DKC1: variants seen among roughly 807,000 people sequenced by gnomAD.
The protein encoded by DKC1 is H/ACA ribonucleoprotein complex subunit DKC1.
A neutral mutation model predicts 46.7 loss-of-function variants in DKC1; 4 were observed. The ratio of observed to expected loss-of-function variants is 0.09; its 90% CI spans 0.04 to 0.20. The LOEUF is 0.20. DKC1 is among the 10% of genes least tolerant of loss of function. The pLI is 1.00. For missense variants in DKC1, 171 were observed against 404.2 expected (o/e 0.42, Z 4.95); for synonymous variants, 141 against 142.4 (o/e 0.99, Z 0.07).
chrX:154,773,935 AC>A (rs1297904648), intron 11 of DKC1, among the ~76,000 whole-genome samples: 208 of 97,338 alleles, frequency 2.1e-3, no homozygotes, highest in Non-Finnish European at 2.5e-3. Context: ...GGGGGGGCTG[AC>A]CCCCCCCCAC....
intron 1 of DKC1, 44 bp downstream of exon 1, chrX:154,763,025 C>T: frequency 8.9e-7 from 1 of 1,121,169 alleles, no homozygotes; most frequent in Non-Finnish European, 1.2e-6. Flanking sequence ...CCGGGCGACT[C>T]GGGGAACGGG....
At chrX:154,773,094 C>T (rs1557265103) in intron 10 of DKC1, 37 bp from the exon 11 acceptor site, 1 of 961,992 alleles carries the variant, frequency 1.0e-6, no homozygotes, top group Admixed American at 2.2e-5. Context: ...ATTCTTTCAC[C>T]CTTCAAATAA....
chrX:154,772,795 A>C (rs782531130), intron 10 of DKC1, among the ~76,000 whole-genome samples: 1 of 112,283 alleles, frequency 8.9e-6, no homozygotes, highest in Non-Finnish European at 1.9e-5. Flanking sequence ...ACAGCAGCAG[A>C]AAAGGAATCC....
chrX:154,773,920 C>CG (rs1401002540), intron 11 of DKC1, among the ~76,000 whole-genome samples: 1 of 110,674 alleles, frequency 9.0e-6, no homozygotes, highest in Non-Finnish European at 1.9e-5. Context: ...GGCGGCTGGC[C>CG]GGGCGGGGGG....
chrX:154,772,776 G>A (rs1249120990), intron 10 of DKC1, among the ~76,000 whole-genome samples: 2 of 112,110 alleles, frequency 1.8e-5, no homozygotes, highest in East Asian at 2.8e-4. Flanking sequence ...AGGCAGCCAC[G>A]GCTTATGGAC....
chrX:154,777,677 A>G lies in DKC1; in HGVS notation c.*810A>G, dbSNP rs1557265903. On this transcript the variant is annotated 3_prime_UTR_variant, in exon 15 of 15. Coordinates refer to ENST00000369550, the MANE Select transcript of DKC1 (RefSeq NM_001363.5). ...AAAAATCTAGGGACCTTTATGTCCT[A>G]TTTGAAATGTGATGCTTTTATGTTT... 1 of 111,900 alleles carries G rather than the reference A, an allele frequency of 8.9e-6. No homozygotes were observed. The highest frequency in any genetic ancestry group is 3.7e-4 in the South Asian group (1 of 2,710). 9.2% of individuals were successfully genotyped at this position (111,900 alleles called of 1,213,427 possible). A position where few individuals can be genotyped will look rare whatever the true frequency, so the allele number is the denominator to read the frequency against.
chrX:154,770,491 A>G (rs1603429542), intron 9 of DKC1, among the ~76,000 whole-genome samples: 1 of 97,560 alleles, frequency 1.0e-5, no homozygotes, highest in East Asian at 3.4e-4. Context: ...AAAAAAAAAG[A>G]AAATACTTGT....
chrX:154,770,742 T>TG lies in DKC1; in HGVS notation c.916-15dup, dbSNP rs1218146343. 18 of 1,208,908 alleles carry TG rather than the reference T, an allele frequency of 1.5e-5. No individual in the cohort carries two copies. Among genetic ancestry groups the TG allele is most frequent in the Admixed American group, 2.2e-5 (1 of 45,680 alleles). On this transcript the variant is annotated splice_polypyrimidine_tract_variant and intron_variant, in intron 9 of 14. Transcript: ENST00000369550. ...GGGCAGCAGCTGGGCCCCTTACACT[T>TG]GGTGCCATCTCTGCAGGTAAATGCC...
Position 154,772,407 on chromosome X carries a change from A to AT in DKC1, c.1037-721dup, listed in dbSNP as rs782169077. Among the ~76,000 whole-genome samples the AT allele has an allele frequency of 9.1e-4, 102 of 111,724 alleles. 2 individuals are homozygous for AT. The South Asian group carries it at 0.017, about 19-fold the overall frequency. The stretch of plus-strand genomic sequence containing the variant: ...AAATGAGTTAAATGTAGGTGTGTGC[A>AT]TTTGTTTCTGGGTTCCTTATTCTGT... On this transcript the variant is annotated intron_variant, in intron 10 of 14. Coordinates refer to ENST00000369550, the MANE Select transcript of DKC1 (RefSeq NM_001363.5).
chrX:154,773,880 G>C (rs991948481), intron 11 of DKC1, among the ~76,000 whole-genome samples: 1 of 111,137 alleles, frequency 9.0e-6, no homozygotes, highest in African/African-American at 3.3e-5. Context: ...AGGGGCGGCC[G>C]GGCAGAGGCG....
chrX:154,770,990 A>G, intron 10 of DKC1, 111 bp downstream of exon 10: 1 of 776,304 alleles, frequency 1.3e-6, no homozygotes, highest in African/African-American at 2.0e-5. Flanking sequence ...ATACATAATA[A>G]TCACATCATG....
chrX:154,776,434 G>C lies in DKC1; in HGVS notation c.1476+110G>C. The stretch of plus-strand genomic sequence containing the variant: ...CTCTTCTTGGAGGAGCTGTGGCCTG[G>C]GGGTGGGATGCCACCGAGTGCCTTT... On this transcript the variant is annotated intron_variant, in intron 14 of 14. Transcript: ENST00000369550. 4 of 1,042,847 alleles carry C rather than the reference G, an allele frequency of 3.8e-6. No individual in the cohort carries two copies. The East Asian group carries it at 1.0e-4, about 26-fold the overall frequency. The allele number at this position is 1,042,847 out of a possible 1,213,427, so 85.9% of individuals were successfully genotyped here. A position where few individuals can be genotyped will look rare whatever the true frequency, so the allele number is the denominator to read the frequency against.
chrX:154,768,712 G>A (rs915617162), intron 8 of DKC1: 55 of 404,368 alleles, frequency 1.4e-4, no homozygotes, highest in Admixed American at 7.0e-4. Flanking sequence ...GGAAGAGGGC[G>A]CGGTGGCTCA....
chrX:154,777,134 G>A lies in DKC1; in HGVS notation c.*267G>A, dbSNP rs781955280. 75 of 292,765 alleles carry A rather than the reference G, an allele frequency of 2.6e-4. No individual in the cohort carries two copies. The highest frequency in any genetic ancestry group is 1.9e-3 in the Middle Eastern group (2 of 1,030). The allele number at this position is 292,765 out of a possible 1,213,427, so 24.1% of individuals were successfully genotyped here. ...TTTGAGTTGGGAAGCCTCACCTTCA[G>A]ACCCAGTAACTGTCCGCAGCTGTCT... is the stretch of plus-strand genomic sequence containing the variant. On this transcript the variant is annotated 3_prime_UTR_variant, in exon 15 of 15. Transcript: ENST00000369550.
At chrX:154,767,890 G>A (rs782696875) in intron 7 of DKC1, 3 of 124,736 alleles carry the variant, frequency 2.4e-5, no homozygotes, top group East Asian at 2.2e-4. Flanking sequence ...TCGCTCTGTC[G>A]CCCAGGCTGG....
At chrX:154,768,468 T>C in intron 8 of DKC1, 36 bp downstream of exon 8, 2 of 1,209,476 alleles carry the variant, frequency 1.7e-6, no homozygotes, top group East Asian at 5.9e-5. Context: ...TAGAGCTGGT[T>C]CTTACCATCT....
intron 7 of DKC1, 145 bp from the exon 8 acceptor site, chrX:154,768,157 C>A: frequency 1.2e-6 from 1 of 814,274 alleles, no homozygotes; most frequent in Non-Finnish European, 1.8e-6. Context: ...GCCAGAATTA[C>A]AGATCTTTAC....
intron 12 of DKC1, 125 bp downstream of exon 12, chrX:154,774,830 G>C (rs782741921): frequency 1.8e-5 from 11 of 619,861 alleles, no homozygotes; most frequent in Non-Finnish European, 3.0e-5. Flanking sequence ...GGACGCAGGA[G>C]TACATGGACA....
chrX:154,765,040 GTGTT>G, intron 2 of DKC1, 74 bp downstream of exon 2: 1 of 944,634 alleles, frequency 1.1e-6, no homozygotes, highest in Non-Finnish European at 1.5e-6. Flanking sequence ...AAGGAAAGAA[GTGTT>G]TTTAAAGGTT....
Sources: allele counts gnomAD v4.1 joint callset (sites outside exome capture counted in the v4.1 genomes callset), GRCh38; gene constraint gnomAD v4.1.1; transcripts MANE v1.5; gene names NCBI Gene and HGNC (gene_info 2026-07-23, HGNC 2026-07-21).